The following EVA1C variants were observed in gnomAD, a reference collection of about 807,000 sequenced individuals.
EVA1C encodes eva-1 homolog C, also known as protein eva-1 homolog C.
In EVA1C, 25 loss-of-function variants were observed where a neutral mutation model predicts 45.4. That is an observed-to-expected ratio of 0.55 (90% confidence interval 0.40 to 0.77). The LOEUF (loss-of-function observed/expected upper bound fraction) is 0.77. Ranked by LOEUF, EVA1C falls within the 30% of genes least tolerant of loss-of-function variation. EVA1C has a pLI of 0.00. For missense variants in EVA1C, 479 were observed against 554.8 expected (o/e 0.86, Z 1.37); for synonymous variants, 190 against 221.2 (o/e 0.86, Z 1.25).
chr21:32,497,061 T>A, intron 5 of EVA1C: 1 of 1,125,200 alleles, frequency 8.9e-7, no homozygotes, highest in Non-Finnish European at 1.4e-6. Context: ...ATGGAAGGAA[T>A]GTCATTGGAC....
chr21:32,489,238 T>C (rs2037076553), intron 4 of EVA1C, among the ~76,000 whole-genome samples: 1 of 152,240 alleles, frequency 6.6e-6, no homozygotes, highest in African/African-American at 2.4e-5. Context: ...TTATATTTGG[T>C]CTTTAATCCA....
intron 4 of EVA1C, among the ~76,000 whole-genome samples, chr21:32,469,683 G>A (rs754642272): frequency 4.6e-5 from 7 of 152,216 alleles, no homozygotes; most frequent in Non-Finnish European, 8.8e-5. Context: ...ACCCAGGAAA[G>A]AGTTGAGGCT....
intron 1 of EVA1C, among the ~76,000 whole-genome samples, chr21:32,427,400 C>T (rs572842004): frequency 9.9e-5 from 15 of 152,230 alleles, no homozygotes; most frequent in South Asian, 2.1e-4. Context: ...GAGTATTTAC[C>T]GCTGGGTATA....
chr21:32,506,740 G>C (rs2037734574), intron 7 of EVA1C, among the ~76,000 whole-genome samples: 1 of 152,134 alleles, frequency 6.6e-6, no homozygotes, highest in Admixed American at 6.5e-5. Flanking sequence ...CATCAGGCTG[G>C]GTCATTTCGA....
chr21:32,498,660 C>G (rs956814322), intron 5 of EVA1C, among the ~76,000 whole-genome samples: 1 of 151,178 alleles, frequency 6.6e-6, no homozygotes, highest in African/African-American at 2.5e-5. Flanking sequence ...AGGGTGAACA[C>G]TAGGGTATGC....
At chr21:32,469,580 G>T (rs1411893772) in intron 4 of EVA1C, among the ~76,000 whole-genome samples, 6 of 152,204 alleles carry the variant, frequency 3.9e-5, no homozygotes, top group Non-Finnish European at 4.4e-5. Context: ...ATACGCAGGT[G>T]CTTGTATCTA....
chr21:32,461,232 G>A (rs1419824818), intron 3 of EVA1C, among the ~76,000 whole-genome samples: 1 of 152,240 alleles, frequency 6.6e-6, no homozygotes, highest in African/African-American at 2.4e-5. Flanking sequence ...AGACAGGAGA[G>A]AGCACCAGCT....
At chr21:32,417,952 G>T (rs1317623504) in intron 1 of EVA1C, among the ~76,000 whole-genome samples, 2 of 152,152 alleles carry the variant, frequency 1.3e-5, no homozygotes, top group African/African-American at 4.8e-5. Flanking sequence ...GGACACCTCT[G>T]GAGTTCAGAG....
At chr21:32,514,308 G>A (rs77594795) in intron 7 of EVA1C, among the ~76,000 whole-genome samples, 20 of 152,254 alleles carry the variant, frequency 1.3e-4, no homozygotes, top group Non-Finnish European at 2.6e-4. Flanking sequence ...TATATACTTC[G>A]TACATAAGTT....
chr21:32,454,953 C>G (rs915692892), intron 2 of EVA1C, among the ~76,000 whole-genome samples: 3 of 152,144 alleles, frequency 2.0e-5, no homozygotes, highest in Non-Finnish European at 4.4e-5. Context: ...GACATGGTTT[C>G]TATACCTTGA....
At chr21:32,420,103 C>T (rs2034207246) in intron 1 of EVA1C, among the ~76,000 whole-genome samples, 1 of 152,160 alleles carries the variant, frequency 6.6e-6, no homozygotes, top group Non-Finnish European at 1.5e-5. Context: ...AACTTCTTTA[C>T]TTGGTTTCCC....
intron 3 of EVA1C, among the ~76,000 whole-genome samples, chr21:32,463,244 A>T (rs2036063366): frequency 6.6e-6 from 1 of 152,206 alleles, no homozygotes; most frequent in African/African-American, 2.4e-5. Flanking sequence ...TCATTTAAGC[A>T]GAGTCGTGGT....
intron 1 of EVA1C, among the ~76,000 whole-genome samples, chr21:32,435,989 G>GT (rs556394857): frequency 0.011 from 1,703 of 152,132 alleles, 2 homozygotes; most frequent in African/African-American, 0.039. Context: ...TTGCATGTGG[G>GT]TTTTTTTTGC....
At chr21:32,449,607 CGTTTTTT>C (rs1568895156) in intron 1 of EVA1C, among the ~76,000 whole-genome samples, 1 of 150,440 alleles carries the variant, frequency 6.6e-6, no homozygotes, top group East Asian at 2.0e-4. Flanking sequence ...AGGTTTCTTT[CGTTTTTT>C]GTTTTTTGTT....
Position 32,412,740 on chromosome 21 carries a change from G to A in EVA1C, c.-114G>A. ...CTGGCAGCCTGGGCAGGGAGGCGGC[G>A]GGGGGCCGCGGAGCCGCTGGCCATC... On this transcript the variant is annotated 5_prime_UTR_variant, in exon 1 of 8. Transcript: ENST00000300255. The A allele has an allele frequency of 4.5e-6, 5 of 1,121,862 alleles. No individual in the cohort carries two copies. The highest frequency in any genetic ancestry group is 4.8e-5 in the South Asian group (2 of 41,372). 69.5% of individuals were successfully genotyped at this position (1,121,862 alleles called of 1,614,324 possible).
chr21:32,418,472 G>A (rs2034139150), intron 1 of EVA1C, among the ~76,000 whole-genome samples: 1 of 152,178 alleles, frequency 6.6e-6, no homozygotes, highest in South Asian at 2.1e-4. Context: ...GGAAAGGGGA[G>A]CCTAGCAGCA....
intron 7 of EVA1C, among the ~76,000 whole-genome samples, chr21:32,507,908 TGTGTGTGC>T (rs1050070090): frequency 3.5e-5 from 2 of 57,862 alleles, no homozygotes; most frequent in African/African-American, 2.6e-4. Flanking sequence ...TGTGTATCTG[TGTGTGTGC>T]GTGTGTGCCT....
chr21:32,440,314 G>A (rs543311689), intron 1 of EVA1C, among the ~76,000 whole-genome samples: 8 of 152,160 alleles, frequency 5.3e-5, no homozygotes, highest in South Asian at 2.1e-4. Context: ...GCTGTGTCCC[G>A]AAGAAAAGAA....
chr21:32,503,391 C>T (rs1468194124), intron 6 of EVA1C, among the ~76,000 whole-genome samples: 1 of 152,050 alleles, frequency 6.6e-6, no homozygotes, highest in African/African-American at 2.4e-5. Flanking sequence ...AATAAAAATA[C>T]AAAAATTTGC....
Sources: allele counts gnomAD v4.1 joint callset (sites outside exome capture counted in the v4.1 genomes callset), GRCh38; gene constraint gnomAD v4.1.1; transcripts MANE v1.5; gene names NCBI Gene and HGNC (gene_info 2026-07-23, HGNC 2026-07-21).